Variants in CYP4F11 observed in about 807,000 individuals in gnomAD.
CYP4F11 encodes the protein cytochrome P450 family 4 subfamily F member 11, also known as cytochrome P450 4F11.
A neutral mutation model predicts 62.2 loss-of-function variants in CYP4F11; 79 were observed. The observed-to-expected ratio is 1.27, with a 90% CI of 1.06 to 1.53. CYP4F11 has a LOEUF of 1.53. Among genes scored for constraint, CYP4F11 ranks in the 40% most tolerant of loss-of-function variants. The probability of loss-of-function intolerance (pLI) is 0.00; values close to 1 mark genes in which losing one functional copy is unlikely to be tolerated. For missense variants in CYP4F11, 777 were observed against 680.5 expected, an observed-to-expected ratio of 1.14 and a Z score of -1.58; for synonymous variants, 290 against 263.7, an observed-to-expected ratio of 1.10 and a Z score of -0.97.
rs527891303 is a variant in CYP4F11, at chr19:15,925,866, T to C, written c.526-984A>G. Among the ~76,000 whole-genome samples, 11 of 151,148 alleles carry C rather than the reference T, an allele frequency of 7.3e-5. No homozygotes were observed. In the South Asian group the frequency reaches 2.1e-3, roughly 29 times the overall value. Reference sequence around the variant, plus strand: ...ACATATCAGGCTTGCTTCTGCTTGCTAAAAAAGCACATTCCCGGCCGGGTG... The same window carrying C: ...ACATATCAGGCTTGCTTCTGCTTGCCAAAAAAGCACATTCCCGGCCGGGTG... On this transcript the variant is annotated intron_variant, in intron 4 of 11. Coordinates refer to ENST00000402119, the MANE Select transcript of CYP4F11 (RefSeq NM_021187.4).
rs200090786 is a variant in CYP4F11 at position 15,924,074 on chromosome 19, C to T, written c.656G>A (p.Ser219Asn). The change falls in exon 6 of 12, where the codon AGT becomes AAT. Residue 219 changes from serine to asparagine, a missense_variant. Transcript: ENST00000402119. ...CTCCAAGATGGCGGCAATATATTCA[C>T]TGGGCTTCCTGCATGAAGGAGGTAA... Reference protein sequence around the residue: ...SFESNCQEKPSEYIAAILELS... With the variant: ...SFESNCQEKPNEYIAAILELS... 104 of 1,613,112 alleles carry T rather than the reference C, an allele frequency of 6.4e-5. No homozygotes were observed. The highest frequency in any genetic ancestry group is 8.0e-5 in the Non-Finnish European group (94 of 1,179,232).
chr19:15,927,475 C>G lies in CYP4F11; in HGVS notation c.352G>C (p.Ala118Pro), dbSNP rs201379667. The G allele has an allele frequency of 3.2e-5, 52 of 1,614,086 alleles. No individual in the cohort carries two copies. The East Asian group carries it at 1.1e-3, about 35-fold the overall frequency. The change falls in exon 3 of 12, where the codon GCA becomes CCA. Residue 118 changes from alanine to proline, a missense_variant. By Grantham distance (27) the Ala-to-Pro change is conservative. Coordinates refer to ENST00000402119, the MANE Select transcript of CYP4F11 (RefSeq NM_021187.4). ...RPITSASAAV[A>P]PKDMIFYGFL... ...CCATAGAAAATCATATCCTTGGGTG[C>G]GACAGCAGCTGACATGATTGAGGAC...
chr19:15,924,644 T>C, intron 5 of CYP4F11, 117 bp downstream of exon 5: 1 of 1,224,662 alleles, frequency 8.2e-7, no homozygotes, highest in Non-Finnish European at 1.2e-6. Context: ...AGCCCAGCTA[T>C]GACACACAGA....
At chr19:15,921,928 C>G in intron 8 of CYP4F11, 109 bp downstream of exon 8, 2 of 1,352,392 alleles carry the variant, frequency 1.5e-6, no homozygotes, top group Non-Finnish European at 2.0e-6. Context: ...TGCACCGATT[C>G]CCACTAAGCG....
chr19:15,930,421 G>C (rs1284790862), intron 1 of CYP4F11, among the ~76,000 whole-genome samples: 2 of 151,908 alleles, frequency 1.3e-5, no homozygotes, highest in African/African-American at 4.8e-5. Flanking sequence ...CGAAATCCCC[G>C]TGTCTACTAA....
chr19:15,921,991 A>G (rs1439718379), intron 8 of CYP4F11, 46 bp downstream of exon 8: 1 of 1,528,502 alleles, frequency 6.5e-7, no homozygotes, highest in Non-Finnish European at 8.8e-7. Flanking sequence ...CCTGAGGAGC[A>G]GAACCAATGA....
intron 1 of CYP4F11, among the ~76,000 whole-genome samples, chr19:15,934,001 T>TGAGGAGAGGAATGAGTGAGC (rs1568258943): frequency 2.4e-5 from 1 of 40,818 alleles, no homozygotes; most frequent in African/African-American, 1.1e-4. Flanking sequence ...AATGAGTGAG[T>TGAGGAGAGGAATGAGTGAGC]GGGCAGAGGA....
chr19:15,930,084 A>G (rs1446539665), intron 1 of CYP4F11, among the ~76,000 whole-genome samples: 1 of 147,362 alleles, frequency 6.8e-6, no homozygotes, highest in Non-Finnish European at 1.5e-5. Flanking sequence ...TGTCTCATAC[A>G]TGCATGAGAT....
upstream of CYP4F11, chr19:15,934,538 TA>T: frequency 9.1e-7 from 1 of 1,103,640 alleles, no homozygotes; most frequent in Non-Finnish European, 1.3e-6. Flanking sequence ...CTGAGATGGG[TA>T]AACAAGAGCT....
chr19:15,920,564 A>G (rs1329011849), intron 8 of CYP4F11, among the ~76,000 whole-genome samples: 3 of 152,202 alleles, frequency 2.0e-5, no homozygotes, highest in Non-Finnish European at 4.4e-5. Flanking sequence ...CCCTGTGCTG[A>G]GCAAAGGCTT....
chr19:15,923,369 G>A (rs1054507788), intron 6 of CYP4F11, among the ~76,000 whole-genome samples: 12 of 151,778 alleles, frequency 7.9e-5, no homozygotes, highest in Non-Finnish European at 1.2e-4. Context: ...ATACTGTGGG[G>A]CCCCTCTCTG....
In CYP4F11 at chr19:15,934,206, C is replaced by G. The variant is rs2089757124; in HGVS notation, c.198+5G>C. Reference sequence around the variant, plus strand: ...ACCCCAGACCCGTCCTGCTGACAAACTCACCAGGCCCTGGTGTCCCCAAAA... The same window carrying G: ...ACCCCAGACCCGTCCTGCTGACAAAGTCACCAGGCCCTGGTGTCCCCAAAA... On this transcript the variant is annotated splice_donor_5th_base_variant and intron_variant, in intron 1 of 11. Transcript: ENST00000402119. 1.2e-6 allele frequency: 2 copies of G among 1,613,154 alleles called. No homozygotes were observed. Among genetic ancestry groups the G allele is most frequent in the Admixed American group, 1.7e-5 (1 of 59,894 alleles).
intron 5 of CYP4F11, 125 bp downstream of exon 5, chr19:15,924,636 C>G (rs1158350877): frequency 4.4e-6 from 5 of 1,132,844 alleles, no homozygotes; most frequent in Non-Finnish European, 6.4e-6. Flanking sequence ...TCCTTCAAAG[C>G]CCAGCTATGA....
At chr19:15,914,943 A>G (rs779083973) in intron 8 of CYP4F11, 48 bp from the exon 9 acceptor site, 1 of 1,597,496 alleles carries the variant, frequency 6.3e-7, no homozygotes, top group South Asian at 1.1e-5. Context: ...ACAAAGACAC[A>G]ATTCTCCAGC....
intron 1 of CYP4F11, among the ~76,000 whole-genome samples, chr19:15,930,953 C>G (rs757413121): frequency 1.2e-4 from 18 of 152,214 alleles, no homozygotes; most frequent in Non-Finnish European, 2.4e-4. Flanking sequence ...ATTCACCCTC[C>G]ACTGCACCGA....
chr19:15,929,798 A>G (rs1163153213), intron 1 of CYP4F11, among the ~76,000 whole-genome samples, 197 bp from the exon 2 acceptor site: 1 of 152,054 alleles, frequency 6.6e-6, no homozygotes. Context: ...AGGATGATCC[A>G]CCTCCCCAGT....
intron 4 of CYP4F11, 78 bp from the exon 5 acceptor site, chr19:15,924,960 A>G (rs2089657926): frequency 6.1e-6 from 9 of 1,474,186 alleles, no homozygotes; most frequent in African/African-American, 2.8e-5. Flanking sequence ...ATCAAGATGG[A>G]CTCCCTGCAA....
intron 1 of CYP4F11, among the ~76,000 whole-genome samples, chr19:15,930,697 C>T (rs2089706614): frequency 6.6e-6 from 1 of 152,198 alleles, no homozygotes; most frequent in African/African-American, 2.4e-5. Flanking sequence ...GAAATGGTTT[C>T]AACCTGGGGA....
Position 15,913,734 on chromosome 19 carries a change from A to C in CYP4F11, c.1573T>G (p.Ter525GlyextTer18). Residue 525 changes from the stop codon to glycine, a stop_lost, in exon 12 of 12, where the codon TGA (stop) becomes GGA (glycine). Transcript: ENST00000402119. ...RVEPLGANSQ* is the reference protein window; with the variant it reads ...RVEPLGANSQG ...AGGTGGGTGGGTGGGTAGGACAGTC[A>C]CTGTGAGTTCGCACCCAGGGGCTCC... The C allele has an allele frequency of 6.2e-7, 1 of 1,614,082 alleles. No homozygotes were observed. The highest frequency in any genetic ancestry group is 1.3e-5 in the African/African-American group (1 of 75,032).
Sources: gnomAD v4.1 joint callset for allele counts (sites outside exome capture counted in the v4.1 genomes callset) on GRCh38, gnomAD v4.1.1 for gene constraint, MANE v1.5 for transcripts, NCBI Gene and HGNC (gene_info 2026-07-23, HGNC 2026-07-21) for gene names.